The following FSTL1 variants were observed in gnomAD, a reference collection of about 807,000 sequenced individuals.
FSTL1 encodes follistatin-related protein 1.
Under a neutral mutation model 45.9 loss-of-function variants are expected in FSTL1, and 24 were observed. The observed-to-expected ratio is 0.52, with a 90% CI of 0.38 to 0.74. The LOEUF is 0.74. FSTL1 is among the 30% of genes least tolerant of loss of function. The probability of loss-of-function intolerance (pLI) is 0.00; values close to 1 mark genes in which losing one functional copy is unlikely to be tolerated. For missense variants in FSTL1, 340 were observed against 381.8 expected (o/e 0.89, Z 0.91); for synonymous variants, 120 against 137.6 (o/e 0.87, Z 0.89).
chr3:120,408,462 C>G (rs1049458641), intron 6 of FSTL1, among the ~76,000 whole-genome samples: 2 of 152,180 alleles, frequency 1.3e-5, no homozygotes, highest in Non-Finnish European at 2.9e-5. Context: ...TCTTCATCTG[C>G]GGGTTCTATA....
chr3:120,431,850 T>C (rs1251661574), intron 2 of FSTL1, among the ~76,000 whole-genome samples: 1 of 152,178 alleles, frequency 6.6e-6, no homozygotes, highest in Non-Finnish European at 1.5e-5. Context: ...AGGCTGCATC[T>C]GGGACCAGGA....
At chr3:120,446,122 A>C (rs1189968745) in intron 2 of FSTL1, among the ~76,000 whole-genome samples, 1 of 152,248 alleles carries the variant, frequency 6.6e-6, no homozygotes, top group Admixed American at 6.5e-5. Flanking sequence ...ATGTCCAGTT[A>C]TTTGAAGAGG....
At chr3:120,430,755 C>T (rs1447875733) in intron 2 of FSTL1, among the ~76,000 whole-genome samples, 2 of 152,092 alleles carry the variant, frequency 1.3e-5, no homozygotes, top group African/African-American at 4.8e-5. Flanking sequence ...GCCAGGGGCT[C>T]AAGGAGGAGT....
chr3:120,435,967 A>T (rs900512807), intron 2 of FSTL1, among the ~76,000 whole-genome samples: 1 of 152,092 alleles, frequency 6.6e-6, no homozygotes, highest in Non-Finnish European at 1.5e-5. Flanking sequence ...AAACGCAATT[A>T]CCTAAGCTGT....
chr3:120,443,640 A>G (rs1219544274), intron 2 of FSTL1, among the ~76,000 whole-genome samples: 9 of 149,826 alleles, frequency 6.0e-5, no homozygotes, highest in Non-Finnish European at 1.2e-4. Context: ...ACATGCATGC[A>G]CATATAAATC....
rs1018802193 is a variant in FSTL1, at chr3:120,447,192, C to G, written c.63+3492G>C. Among the ~76,000 whole-genome samples the G allele has an allele frequency of 2.0e-5, 3 of 152,114 alleles. 1 individual carries two copies. Among genetic ancestry groups the G allele is most frequent in the Non-Finnish European group, 4.4e-5 (3 of 68,022 alleles). On this transcript the variant is annotated intron_variant, in intron 2 of 10. Coordinates refer to ENST00000295633, the MANE Select transcript of FSTL1 (RefSeq NM_007085.5). ...TACCGCCTGTGTTCTTAACATTTTC[C>G]CAGGCTCCATACTATGCATCCACCA...
chr3:120,414,961 T>C (rs1486760183), intron 3 of FSTL1, among the ~76,000 whole-genome samples: 1 of 150,166 alleles, frequency 6.7e-6, no homozygotes, highest in East Asian at 1.9e-4. Flanking sequence ...AATCCCCCTC[T>C]GTGAGAAACA....
chr3:120,402,998 C>T (rs1425750063), intron 8 of FSTL1, 80 bp from the exon 9 acceptor site: 11 of 939,630 alleles, frequency 1.2e-5, no homozygotes, highest in Admixed American at 3.4e-5. Context: ...GTGCACCTTA[C>T]CCTTTTTTCC....
At chr3:120,401,265 G>A (rs981580505) in intron 9 of FSTL1, among the ~76,000 whole-genome samples, 4 of 152,194 alleles carry the variant, frequency 2.6e-5, no homozygotes, top group African/African-American at 7.2e-5. Context: ...TCCTGGCTTG[G>A]TCTTGACTTC....
intron 2 of FSTL1, among the ~76,000 whole-genome samples, chr3:120,449,948 G>A (rs1232971600): frequency 6.6e-6 from 1 of 152,156 alleles, no homozygotes; most frequent in Non-Finnish European, 1.5e-5. Flanking sequence ...AAACCTTTGA[G>A]TTAATGGAGC....
intron 2 of FSTL1, among the ~76,000 whole-genome samples, chr3:120,428,299 GA>G (rs1301569851): frequency 1.3e-5 from 2 of 152,198 alleles, no homozygotes; most frequent in African/African-American, 4.8e-5. Context: ...ACATTAGTAA[GA>G]ACTGTGATGC....
intron 6 of FSTL1, among the ~76,000 whole-genome samples, chr3:120,408,723 T>A (rs906774825): frequency 6.6e-6 from 1 of 152,102 alleles, no homozygotes; most frequent in African/African-American, 2.4e-5. Flanking sequence ...TGTGAGTCTC[T>A]GTATGTGGTG....
At chr3:120,398,658 T>C (rs140320993) in intron 10 of FSTL1, among the ~76,000 whole-genome samples, 1 of 152,312 alleles carries the variant, frequency 6.6e-6, no homozygotes, top group Non-Finnish European at 1.5e-5. Flanking sequence ...ATTTCCCAAA[T>C]CTCCCTCTGG....
At chr3:120,425,941 A>C (rs1937371904) in intron 2 of FSTL1, among the ~76,000 whole-genome samples, 1 of 152,162 alleles carries the variant, frequency 6.6e-6, no homozygotes, top group East Asian at 1.9e-4. Context: ...ACTATTAATA[A>C]ATTTTTTATT....
At chr3:120,428,810 A>G (rs2107665029) in intron 2 of FSTL1, among the ~76,000 whole-genome samples, 1 of 152,304 alleles carries the variant, frequency 6.6e-6, no homozygotes, top group East Asian at 1.9e-4. Context: ...CTCTGGGGGT[A>G]GTGTGGCTGC....
intron 2 of FSTL1, among the ~76,000 whole-genome samples, chr3:120,427,167 A>G (rs956281179): frequency 6.6e-6 from 1 of 152,218 alleles, no homozygotes; most frequent in South Asian, 2.1e-4. Flanking sequence ...TGGCTTGCCC[A>G]AATTCTCCCT....
chr3:120,397,908 T>C (rs1936734874), intron 10 of FSTL1, among the ~76,000 whole-genome samples: 1 of 152,218 alleles, frequency 6.6e-6, no homozygotes, highest in Admixed American at 6.5e-5. Flanking sequence ...ATTCGTATCA[T>C]GGAATATTAC....
chr3:120,439,623 G>C (rs1196919919), intron 2 of FSTL1, among the ~76,000 whole-genome samples: 5 of 152,152 alleles, frequency 3.3e-5, no homozygotes, highest in African/African-American at 1.2e-4. Context: ...ACATCAGTTA[G>C]AAAAAAATGT....
intron 10 of FSTL1, among the ~76,000 whole-genome samples, chr3:120,398,139 G>C (rs190150712): frequency 6.0e-4 from 92 of 152,226 alleles, no homozygotes; most frequent in African/African-American, 2.1e-3. Flanking sequence ...ATTTCTTTCT[G>C]GGATAATGAA....
Sources: allele counts gnomAD v4.1 joint callset (sites outside exome capture counted in the v4.1 genomes callset), GRCh38; gene constraint gnomAD v4.1.1; transcripts MANE v1.5; gene names NCBI Gene and HGNC (gene_info 2026-07-23, HGNC 2026-07-21).